The following CT45A1 variants were observed in gnomAD, a reference collection of about 807,000 sequenced individuals.
CT45A1 encodes the protein cancer/testis antigen 45-1.
At chrX:135,713,976 GA>G (rs781990231) in intron 1 of CT45A1, among the ~76,000 whole-genome samples, 19 of 105,719 alleles carry the variant, frequency 1.8e-4, no homozygotes, top group Middle Eastern at 4.7e-3. Flanking sequence ...TTTTCCTACT[GA>G]AATGACCTGA....
At chrX:135,709,126 A>T (rs1337259328), upstream of CT45A1, among the ~76,000 whole-genome samples, 1 of 112,383 alleles carries the variant, frequency 8.9e-6, no homozygotes, top group African/African-American at 3.2e-5. Flanking sequence ...TTGCTGACGC[A>T]ACAAAACCAC....
upstream of CT45A1, among the ~76,000 whole-genome samples, chrX:135,712,179 CTTTTTTT>C (rs782572662): frequency 4.1e-5 from 2 of 48,424 alleles, no homozygotes; most frequent in African/African-American, 1.7e-4. Flanking sequence ...TTTTTTCTTT[CTTTTTTT>C]TTTTTTTTTT....
chrX:135,712,982 C>CTCCTTCCTTCCTTCCTTCCT (rs782717113), upstream of CT45A1, among the ~76,000 whole-genome samples: 9 of 7,485 alleles, frequency 1.2e-3, no homozygotes, highest in African/African-American at 4.2e-3. Context: ...TCTTTTCTTT[C>CTCCTTCCTTCCTTCCTTCCT]TCCTTCCTTC....
upstream of CT45A1, chrX:135,713,371 C>A: frequency 4.7e-6 from 1 of 214,100 alleles, no homozygotes; most frequent in Non-Finnish European, 6.7e-6. Context: ...GGGCGCCAGT[C>A]AGCGAAGGGG....
upstream of CT45A1, among the ~76,000 whole-genome samples, chrX:135,709,266 T>C (rs1410838579): frequency 8.9e-6 from 1 of 111,791 alleles, no homozygotes; most frequent in Non-Finnish European, 1.9e-5. Flanking sequence ...GCTGGGACTA[T>C]AGGCATGCAC....
upstream of CT45A1, among the ~76,000 whole-genome samples, chrX:135,712,328 A>G (rs2148031220): frequency 9.5e-6 from 1 of 105,560 alleles, no homozygotes; most frequent in South Asian, 4.3e-4. Flanking sequence ...ACTTTCAGCT[A>G]ATTTTTGTAT....
upstream of CT45A1, among the ~76,000 whole-genome samples, chrX:135,712,726 C>T (rs1306808745): frequency 1.8e-5 from 2 of 108,710 alleles, no homozygotes; most frequent in Admixed American, 9.9e-5. Context: ...AGACGAGATT[C>T]ACCATGTTGG....
At chrX:135,709,786 G>T (rs1461260011), upstream of CT45A1, among the ~76,000 whole-genome samples, 1 of 111,175 alleles carries the variant, frequency 9.0e-6, no homozygotes. Context: ...TTCACTATTT[G>T]GGTGATGGGT....
At chrX:135,711,132 C>G (rs1367491102), upstream of CT45A1, among the ~76,000 whole-genome samples, 1 of 111,697 alleles carries the variant, frequency 9.0e-6, no homozygotes, top group Non-Finnish European at 1.9e-5. Context: ...CAACAAGATT[C>G]CAGTCTCATG....
chrX:135,715,745 T>A (rs1238854025), intron 1 of CT45A1, among the ~76,000 whole-genome samples: 2 of 105,379 alleles, frequency 1.9e-5, no homozygotes, highest in Non-Finnish European at 3.9e-5. Flanking sequence ...GGGATACATG[T>A]GCAGAACGTG....
At chrX:135,718,209 C>T (rs1184281189) in intron 1 of CT45A1, among the ~76,000 whole-genome samples, 1 of 111,554 alleles carries the variant, frequency 9.0e-6, no homozygotes, top group African/African-American at 3.3e-5. Flanking sequence ...TTACATTTAT[C>T]GATTATCAAA....
chrX:135,713,320 C>T (rs1377084052), upstream of CT45A1: 1 of 148,975 alleles, frequency 6.7e-6, no homozygotes, highest in South Asian at 3.0e-4. Flanking sequence ...CGTTCCTCTG[C>T]TTATGTTGCT....
At chrX:135,717,653 G>T (rs782658835) in intron 1 of CT45A1, among the ~76,000 whole-genome samples, 3 of 111,948 alleles carry the variant, frequency 2.7e-5, no homozygotes, top group African/African-American at 9.7e-5. Context: ...GTGTAGTGCT[G>T]TACCACATCT....
upstream of CT45A1, among the ~76,000 whole-genome samples, chrX:135,712,179 C>CTTT (rs782572662): frequency 0.17 from 8,345 of 48,349 alleles, 1,453 homozygotes; most frequent in Non-Finnish European, 0.19. Context: ...TTTTTTCTTT[C>CTTT]TTTTTTTTTT....
upstream of CT45A1, among the ~76,000 whole-genome samples, chrX:135,712,910 C>CT (rs2087943218): frequency 9.5e-6 from 1 of 105,209 alleles, no homozygotes; most frequent in Admixed American, 1.0e-4. Context: ...TTTCTTCTTT[C>CT]TTTCTTTCTT....
chrX:135,708,622 A>G, the CT45A1 span, among the ~76,000 whole-genome samples: 15 of 110,854 alleles, frequency 1.4e-4, no homozygotes, highest in Non-Finnish European at 2.6e-4. Flanking sequence ...GTGTCACGGT[A>G]CTGCACAACA....
At chrX:135,709,177 AG>A (rs1327225009), upstream of CT45A1, among the ~76,000 whole-genome samples, 1 of 112,307 alleles carries the variant, frequency 8.9e-6, no homozygotes, top group Non-Finnish European at 1.9e-5. Context: ...AATTTGATTA[AG>A]TTTATGGTCC....
At chrX:135,715,186 C>A (rs189300486) in intron 1 of CT45A1, among the ~76,000 whole-genome samples, 4 of 90,410 alleles carry the variant, frequency 4.4e-5, no homozygotes, top group Admixed American at 1.4e-4. Flanking sequence ...TTGAATCACC[C>A]AATGCCATTA....
At chrX:135,712,179 C>CTTTTTTTTTTTTTTTTTTTCT (rs2087937608), upstream of CT45A1, among the ~76,000 whole-genome samples, 1 of 48,424 alleles carries the variant, frequency 2.1e-5, no homozygotes, top group African/African-American at 8.7e-5. Context: ...TTTTTTCTTT[C>CTTTTTTTTTTTTTTTTTTTCT]TTTTTTTTTT....
Sources: allele counts gnomAD v4.1 joint callset (sites outside exome capture counted in the v4.1 genomes callset), GRCh38; gene constraint gnomAD v4.1.1; transcripts MANE v1.5; gene names NCBI Gene and HGNC (gene_info 2026-07-23, HGNC 2026-07-21).